Variants in H1-8 observed in about 807,000 individuals in gnomAD.
H1-8 encodes the protein H1.8 linker histone.
A neutral mutation model predicts 19.5 loss-of-function variants in H1-8; 13 were observed. The ratio of observed to expected loss-of-function variants is 0.67; its 90% CI spans 0.43 to 1.06. The LOEUF (loss-of-function observed/expected upper bound fraction) is 1.06, where lower values mean the gene tolerates loss of function less well. Ranked by LOEUF, H1-8 falls within the 50% of genes least tolerant of loss-of-function variation. The pLI is 0.00. For missense variants in H1-8, 432 were observed against 459.8 expected, an observed-to-expected ratio of 0.94 and a Z score of 0.55; for synonymous variants, 193 against 187.6, an observed-to-expected ratio of 1.03 and a Z score of -0.24.
chr3:129,545,972 CTT>C (rs2084883641), intron 1 of H1-8, among the ~76,000 whole-genome samples: 1 of 151,900 alleles, frequency 6.6e-6, no homozygotes. Flanking sequence ...TTTTTGGTAA[CTT>C]TTTATTATGA....
intron 1 of H1-8, among the ~76,000 whole-genome samples, chr3:129,544,739 G>A (rs1005976968): frequency 6.6e-6 from 1 of 152,030 alleles, no homozygotes; most frequent in Non-Finnish European, 1.5e-5. Flanking sequence ...AGCTGCTCGT[G>A]AAGTCAGGCC....
intron 2 of H1-8, among the ~76,000 whole-genome samples, 155 bp downstream of exon 2, chr3:129,547,835 C>T (rs1002839992): frequency 6.6e-6 from 1 of 152,228 alleles, no homozygotes; most frequent in African/African-American, 2.4e-5. Context: ...TCTAGGAAGG[C>T]AGGTAGTGTG....
At chr3:129,546,184 C>T (rs950528790) in intron 1 of H1-8, among the ~76,000 whole-genome samples, 10 of 151,046 alleles carry the variant, frequency 6.6e-5, no homozygotes, top group South Asian at 2.1e-4. Context: ...ATTAGCCAGG[C>T]GTGGTGGTGT....
intron 1 of H1-8, among the ~76,000 whole-genome samples, chr3:129,545,998 C>T (rs1034436388): frequency 4.6e-5 from 7 of 151,768 alleles, no homozygotes; most frequent in South Asian, 2.1e-4. Flanking sequence ...CTTTCAGGGC[C>T]GAGCATGGTG....
rs757103883 is a variant in H1-8, at chr3:129,543,288, C to T, written c.70C>T (p.Pro24Ser). ...TTCCACAGCAGGATCATCCAGGTCT[C>T]CTGAATCTGAAAAGCCAGGTGAGCA... ...STSTAGSSRS[P>S]ESEKPGPSHG... The change falls in exon 1 of 5, where the codon CCT (proline) becomes TCT (serine). Residue 24 changes from proline (P) to serine (S), a missense_variant. Physicochemically the swap from Pro to Ser is moderately conservative, Grantham distance 74. Transcript: ENST00000324382. 2.5e-6 allele frequency: 4 copies of T among 1,613,426 alleles called. No homozygotes were observed. Among genetic ancestry groups the T allele is most frequent in the Non-Finnish European group, 3.4e-6 (4 of 1,179,672 alleles).
At chr3:129,551,000 T>C in intron 4 of H1-8, 107 bp from the exon 5 acceptor site, 9 of 1,082,564 alleles carry the variant, frequency 8.3e-6, no homozygotes, top group Non-Finnish European at 1.2e-5. Context: ...ATCTTACAGA[T>C]AAGAGACTAA....
chr3:129,548,384 T>C, intron 2 of H1-8: 2 of 986,296 alleles, frequency 2.0e-6, no homozygotes, highest in Non-Finnish European at 2.4e-6. Context: ...GAGCCTGGAC[T>C]TGCGTCACAG....
intron 1 of H1-8, among the ~76,000 whole-genome samples, chr3:129,546,253 G>A (rs945455292): frequency 2.0e-4 from 30 of 152,186 alleles, no homozygotes; most frequent in Middle Eastern, 3.4e-3. Flanking sequence ...GAGCTGGAGA[G>A]GTCAAGGCTG....
chr3:129,549,387 G>T (rs2084917065), intron 3 of H1-8, 23 bp downstream of exon 3: 4 of 1,549,910 alleles, frequency 2.6e-6, no homozygotes, highest in East Asian at 4.5e-5. Context: ...CTTGTAGGGG[G>T]TGGTGTGGGG....
Position 129,547,485 on chromosome 3 carries a change from G to A in H1-8, c.183G>A (p.Glu61=). 6.4e-7 allele frequency: 1 copy of A among 1,557,214 alleles called. No homozygotes were observed. Among genetic ancestry groups the A allele is most frequent in the Non-Finnish European group, 8.7e-7 (1 of 1,150,778 alleles). The part of the protein sequence containing the change: ...RHPPVLRMVL[E]ALQAGEQRRG... ...CCCCGGTGCTACGCATGGTGCTGGA[G>A]GCGCTGCAGGCTGGGGAGCAGCGCC... Residue 61 remains glutamate, a synonymous_variant, in exon 2 of 5, where the codon GAG becomes GAA. Coordinates refer to ENST00000324382, the MANE Select transcript of H1-8 (RefSeq NM_153833.3).
chr3:129,546,850 G>C (rs974713408), intron 1 of H1-8, among the ~76,000 whole-genome samples: 4 of 152,182 alleles, frequency 2.6e-5, no homozygotes, highest in African/African-American at 4.8e-5. Flanking sequence ...TAAACCCACA[G>C]TTACGAAATT....
Position 129,547,392 on chromosome 3 carries a change from C to A in H1-8, c.90C>A (p.Gly30=). 2 of 1,496,206 alleles carry A rather than the reference C, an allele frequency of 1.3e-6. No homozygotes were observed. The highest frequency in any genetic ancestry group is 1.8e-6 in the Non-Finnish European group (2 of 1,127,740). 92.7% of individuals were successfully genotyped at this position (1,496,206 alleles called of 1,614,324 possible). Residue 30 remains glycine (G), a splice_region_variant and synonymous_variant, in exon 2 of 5, where the codon GGC becomes GGA. Transcript: ENST00000324382. ...TGATGGCCTGCCATCTCTCCTCAGG[C>A]CCGAGCCACGGCGGTGTCCCACCAG... The part of the protein sequence containing the change: ...SSRSPESEKP[G]PSHGGVPPGG...
intron 4 of H1-8, 29 bp from the exon 5 acceptor site, chr3:129,551,078 C>CTCTT (rs1259764246): frequency 6.3e-7 from 1 of 1,592,154 alleles, no homozygotes; most frequent in East Asian, 2.2e-5. Context: ...TCCCAGCTGT[C>CTCTT]TCTTTGCTCC....
intron 1 of H1-8, among the ~76,000 whole-genome samples, chr3:129,543,737 G>T (rs1078507): frequency 0.11 from 16,517 of 152,226 alleles, 1,376 homozygotes; most frequent in African/African-American, 0.23. Context: ...GGACATGAGG[G>T]TGCACCGAGG....
At position 129,543,655 on chromosome 3, in the gene H1-8, A is replaced by G. The variant is rs1435019335; in HGVS notation, c.88+349A>G. ...CAGCTGTGGGCAGCTAGTTGGAGGG[A>G]CTGGGGCAGGAGCATTTTATGCAGG... is the stretch of plus-strand genomic sequence containing the variant. On this transcript the variant is annotated intron_variant, in intron 1 of 4. Transcript: ENST00000324382. Among the ~76,000 whole-genome samples the G allele has an allele frequency of 3.3e-5, 5 of 152,278 alleles. No individual in the cohort carries two copies. The East Asian group carries it at 9.7e-4, about 29-fold the overall frequency.
chr3:129,547,293 G>A, intron 1 of H1-8, 98 bp from the exon 2 acceptor site: 1 of 1,284,164 alleles, frequency 7.8e-7, no homozygotes, highest in Admixed American at 2.9e-5. Flanking sequence ...GGGGGCATCT[G>A]ATCCTTGCTG....
intron 3 of H1-8, among the ~76,000 whole-genome samples, 191 bp from the exon 4 acceptor site, chr3:129,550,554 G>A (rs1438145654): frequency 6.6e-6 from 1 of 152,186 alleles, no homozygotes; most frequent in Non-Finnish European, 1.5e-5. Flanking sequence ...TCTGTGAGGG[G>A]CATGCTATTA....
At chr3:129,547,307 C>A in intron 1 of H1-8, 84 bp from the exon 2 acceptor site, 1 of 1,376,868 alleles carries the variant, frequency 7.3e-7, no homozygotes, top group Non-Finnish European at 9.7e-7. Flanking sequence ...CTTGCTGGAC[C>A]CTCACCCACC....
chr3:129,545,177 C>T (rs1020788097), intron 1 of H1-8, among the ~76,000 whole-genome samples: 2 of 151,860 alleles, frequency 1.3e-5, no homozygotes, highest in African/African-American at 4.8e-5. Context: ...CTTCCCACCT[C>T]AGCCTCCCAA....
Sources: allele counts gnomAD v4.1 joint callset (sites outside exome capture counted in the v4.1 genomes callset), GRCh38; gene constraint gnomAD v4.1.1; transcripts MANE v1.5; gene names NCBI Gene and HGNC (gene_info 2026-07-23, HGNC 2026-07-21).